The following HCN1 variants were observed in gnomAD, a reference collection of about 807,000 sequenced individuals.
The protein encoded by HCN1 is hyperpolarization activated cyclic nucleotide gated potassium channel 1.
Under a neutral mutation model 78.9 loss-of-function variants are expected in HCN1, and 13 were observed. The observed-to-expected ratio is 0.16, with a 90% CI of 0.11 to 0.26. The LOEUF is 0.26. HCN1 is among the 10% of genes least tolerant of loss of function. The pLI, the probability that HCN1 is intolerant of heterozygous loss-of-function variation, is 1.00. For missense variants in HCN1, 810 were observed against 1,154.3 expected (o/e 0.70, Z 4.32); for synonymous variants, 552 against 455.5 (o/e 1.21, Z -2.70).
At chr5:45,672,790 T>C (rs16902209) in intron 1 of HCN1, among the ~76,000 whole-genome samples, 259 of 151,584 alleles carry the variant, frequency 1.7e-3, no homozygotes, top group African/African-American at 5.6e-3. Flanking sequence ...CCTGAGTCTT[T>C]CGCTGCTAAA....
chr5:45,392,165 G>C (rs1034091765), intron 4 of HCN1, among the ~76,000 whole-genome samples: 1 of 152,092 alleles, frequency 6.6e-6, no homozygotes, highest in African/African-American at 2.4e-5. Context: ...AATGGGATTT[G>C]AATAGCTTGA....
chr5:45,339,536 A>G (rs1437836000), intron 5 of HCN1, among the ~76,000 whole-genome samples: 1 of 152,212 alleles, frequency 6.6e-6, no homozygotes, highest in Non-Finnish European at 1.5e-5. Context: ...CCTCTGTGTC[A>G]TATGAAGGAG....
chr5:45,363,651 G>T (rs1209927321), intron 4 of HCN1, among the ~76,000 whole-genome samples: 1 of 151,904 alleles, frequency 6.6e-6, no homozygotes, highest in Non-Finnish European at 1.5e-5. Flanking sequence ...CATATGTTGT[G>T]GGAGGGACCC....
At chr5:45,587,425 C>T (rs1226273620) in intron 2 of HCN1, among the ~76,000 whole-genome samples, 1 of 152,106 alleles carries the variant, frequency 6.6e-6, no homozygotes, top group Admixed American at 6.5e-5. Context: ...TGGAAACCAT[C>T]ATTCTCAGCA....
intron 2 of HCN1, among the ~76,000 whole-genome samples, chr5:45,501,578 C>A (rs940708150): frequency 6.6e-6 from 1 of 152,026 alleles, no homozygotes; most frequent in Non-Finnish European, 1.5e-5. Context: ...GTAGCTGGGA[C>A]TACAGGCACC....
intron 2 of HCN1, among the ~76,000 whole-genome samples, chr5:45,632,972 T>A (rs1170969313): frequency 6.6e-6 from 1 of 152,032 alleles, no homozygotes; most frequent in East Asian, 1.9e-4. Flanking sequence ...TGCAGCAGTT[T>A]CTTGATAATC....
chr5:45,573,872 A>G (rs951691639), intron 2 of HCN1, among the ~76,000 whole-genome samples: 1 of 152,128 alleles, frequency 6.6e-6, no homozygotes, highest in African/African-American at 2.4e-5. Context: ...AAACCATTAT[A>G]TAAGCTTTCT....
intron 1 of HCN1, among the ~76,000 whole-genome samples, chr5:45,664,454 T>A (rs1580032772): frequency 3.8e-5 from 5 of 133,086 alleles, no homozygotes; most frequent in Admixed American, 7.5e-5. Context: ...ACTTAAAGTA[T>A]AATAATAATA....
chr5:45,355,900 G>T (rs1268925639), intron 4 of HCN1, among the ~76,000 whole-genome samples: 1 of 151,950 alleles, frequency 6.6e-6, no homozygotes, highest in Non-Finnish European at 1.5e-5. Flanking sequence ...AGTGGCCAGT[G>T]AATTTGGAAA....
At chr5:45,495,961 A>C (rs969650028) in intron 2 of HCN1, among the ~76,000 whole-genome samples, 1 of 152,176 alleles carries the variant, frequency 6.6e-6, no homozygotes, top group African/African-American at 2.4e-5. Flanking sequence ...CCACTTGATC[A>C]TGGTGGATAA....
chr5:45,582,647 G>T (rs1273918753), intron 2 of HCN1, among the ~76,000 whole-genome samples: 1 of 152,160 alleles, frequency 6.6e-6, no homozygotes, highest in African/African-American at 2.4e-5. Flanking sequence ...GTATGATATT[G>T]GCTGTGGGTT....
intron 5 of HCN1, among the ~76,000 whole-genome samples, chr5:45,319,949 T>C (rs1746089442): frequency 6.6e-6 from 1 of 151,888 alleles, no homozygotes. Flanking sequence ...GTGAAACCTC[T>C]AATTCAGCTC....
intron 5 of HCN1, among the ~76,000 whole-genome samples, chr5:45,320,510 G>A (rs1287245900): frequency 1.3e-5 from 2 of 151,816 alleles, no homozygotes; most frequent in African/African-American, 2.4e-5. Flanking sequence ...ATAATCCTAT[G>A]TCTTAGGTAG....
Position 45,674,716 on chromosome 5 carries a change from T to C in HCN1, c.425+20953A>G, listed in dbSNP as rs545273898. On this transcript the variant is annotated intron_variant, in intron 1 of 7. Transcript: ENST00000303230. ...TGCTGAATGTTTTATTAATACATTT[T>C]AGAGTACAATAAACAATATTTGTGG... Among the ~76,000 whole-genome samples the C allele has an allele frequency of 1.1e-4, 17 of 151,844 alleles. No homozygotes were observed. In the Admixed American group the frequency reaches 1.1e-3, roughly 10 times the overall value.
chr5:45,533,209 T>C (rs1029018931), intron 2 of HCN1, among the ~76,000 whole-genome samples: 6 of 152,196 alleles, frequency 3.9e-5, no homozygotes, highest in South Asian at 2.1e-4. Context: ...GTAGAAAACA[T>C]TGCACATTTG....
chr5:45,539,088 GC>G (rs1432412893), intron 2 of HCN1, among the ~76,000 whole-genome samples: 1 of 152,158 alleles, frequency 6.6e-6, no homozygotes, highest in African/African-American at 2.4e-5. Flanking sequence ...TAACTTAGCA[GC>G]AGTCACACAA....
At chr5:45,600,316 TTC>T (rs1475827482) in intron 2 of HCN1, among the ~76,000 whole-genome samples, 2 of 152,068 alleles carry the variant, frequency 1.3e-5, no homozygotes, top group African/African-American at 2.4e-5. Flanking sequence ...TTTTCCTACT[TTC>T]TCTCTTTTTA....
At chr5:45,387,424 T>G (rs1747947872) in intron 4 of HCN1, among the ~76,000 whole-genome samples, 1 of 152,112 alleles carries the variant, frequency 6.6e-6, no homozygotes, top group South Asian at 2.1e-4. Flanking sequence ...AATTGAAAAT[T>G]CAGGGGAAAA....
At chr5:45,373,308 T>TATATATAAAATATATATTTCATATATTTA (rs1278698258) in intron 4 of HCN1, among the ~76,000 whole-genome samples, 8 of 118,020 alleles carry the variant, frequency 6.8e-5, no homozygotes, top group East Asian at 2.3e-4. Flanking sequence ...TTTTATATAC[T>TATATATAAAATATATATTTCATATATTTA]ATATATAAAA....
Sources: allele counts gnomAD v4.1 joint callset (sites outside exome capture counted in the v4.1 genomes callset), GRCh38; gene constraint gnomAD v4.1.1; transcripts MANE v1.5; gene names NCBI Gene and HGNC (gene_info 2026-07-23, HGNC 2026-07-21).